TAFA1: variants seen among roughly 807,000 people sequenced by gnomAD.
TAFA1 encodes the protein chemokine-like protein TAFA-1.
A neutral mutation model predicts 18.5 loss-of-function variants in TAFA1; 4 were observed. That is an observed-to-expected ratio of 0.22 (90% CI 0.11 to 0.49). The LOEUF (loss-of-function observed/expected upper bound fraction) is 0.49. Ranked by LOEUF, TAFA1 falls within the 20% of genes least tolerant of loss-of-function variation. TAFA1 has a pLI of 0.98. For synonymous variants in TAFA1, 56 were observed against 55.2 expected, an observed-to-expected ratio of 1.01 and a Z score of -0.06; for missense variants, 147 against 169.0, an observed-to-expected ratio of 0.87 and a Z score of 0.72.
At chr3:68,259,821 C>A (rs2067376504) in intron 2 of TAFA1, among the ~76,000 whole-genome samples, 1 of 152,052 alleles carries the variant, frequency 6.6e-6, no homozygotes, top group Admixed American at 6.6e-5. Flanking sequence ...TGCTTATCAG[C>A]TTAAGGAGAT....
At chr3:68,070,193 T>C (rs2064735666) in intron 2 of TAFA1, among the ~76,000 whole-genome samples, 1 of 152,236 alleles carries the variant, frequency 6.6e-6, no homozygotes, top group South Asian at 2.1e-4. Flanking sequence ...TGCCTGAACA[T>C]CCAGGCATTT....
At chr3:68,326,274 T>G (rs911767508) in intron 2 of TAFA1, among the ~76,000 whole-genome samples, 1 of 152,238 alleles carries the variant, frequency 6.6e-6, no homozygotes, top group Non-Finnish European at 1.5e-5. Flanking sequence ...ATGTTCCTTG[T>G]GTCACATATT....
chr3:68,381,430 G>T (rs920290014), intron 2 of TAFA1, among the ~76,000 whole-genome samples: 36 of 151,772 alleles, frequency 2.4e-4, no homozygotes, highest in Non-Finnish European at 5.2e-4. Flanking sequence ...TTTCTTTGTA[G>T]CCTCTTTTAT....
chr3:68,092,447 G>T (rs1473128243), intron 2 of TAFA1, among the ~76,000 whole-genome samples: 1 of 152,184 alleles, frequency 6.6e-6, no homozygotes, highest in African/African-American at 2.4e-5. Context: ...ATTCTTACAT[G>T]CTTTGGGTGA....
At chr3:68,287,589 A>T (rs779590074) in intron 2 of TAFA1, among the ~76,000 whole-genome samples, 2 of 152,082 alleles carry the variant, frequency 1.3e-5, no homozygotes, top group African/African-American at 4.8e-5. Context: ...CACACTCTTC[A>T]GTCCTACTGA....
intron 4 of TAFA1, among the ~76,000 whole-genome samples, chr3:68,539,703 G>GGT (rs2073341232): frequency 1.3e-4 from 7 of 54,632 alleles, no homozygotes; most frequent in African/African-American, 3.5e-4. Flanking sequence ...TGGGTGGGTG[G>GGT]GTGTGTGCAT....
chr3:68,262,266 T>C (rs2067441310), intron 2 of TAFA1, among the ~76,000 whole-genome samples: 1 of 143,444 alleles, frequency 7.0e-6, no homozygotes. Context: ...GTTTAGGATT[T>C]TTTTTTTTTA....
At chr3:68,452,918 C>A (rs1243641547) in intron 3 of TAFA1, among the ~76,000 whole-genome samples, 1 of 152,108 alleles carries the variant, frequency 6.6e-6, no homozygotes, top group Non-Finnish European at 1.5e-5. Flanking sequence ...TTCTGAATAT[C>A]CCTGAAGAGG....
chr3:68,384,268 G>C (rs1575822022), intron 2 of TAFA1, among the ~76,000 whole-genome samples: 1 of 151,924 alleles, frequency 6.6e-6, no homozygotes, highest in East Asian at 1.9e-4. Flanking sequence ...TTGTGGTGTT[G>C]GGTTGTTAAC....
chr3:68,419,292 C>G (rs906162866), intron 3 of TAFA1, among the ~76,000 whole-genome samples: 1 of 152,116 alleles, frequency 6.6e-6, no homozygotes, highest in Non-Finnish European at 1.5e-5. Context: ...TGTGGGGCAC[C>G]ATGGAAGCTG....
intron 2 of TAFA1, among the ~76,000 whole-genome samples, chr3:68,265,866 G>A (rs540168107): frequency 1.3e-5 from 2 of 152,136 alleles, no homozygotes; most frequent in Admixed American, 6.5e-5. Context: ...TTTCTCTGGG[G>A]CACTGCACAG....
At chr3:68,461,055 G>C (rs377375022) in intron 3 of TAFA1, among the ~76,000 whole-genome samples, 5 of 152,162 alleles carry the variant, frequency 3.3e-5, no homozygotes, top group African/African-American at 9.6e-5. Flanking sequence ...GCTGAGGTGG[G>C]TGGATCCCCT....
At chr3:68,087,170 A>G (rs1226940717) in intron 2 of TAFA1, among the ~76,000 whole-genome samples, 2 of 152,224 alleles carry the variant, frequency 1.3e-5, no homozygotes, top group East Asian at 3.8e-4. Flanking sequence ...AATCTAATTT[A>G]TAAAATCTAT....
chr3:68,514,730 A>C (rs1225894980), intron 3 of TAFA1, among the ~76,000 whole-genome samples: 6 of 151,046 alleles, frequency 4.0e-5, no homozygotes, highest in African/African-American at 7.3e-5. Flanking sequence ...AAAAAAAAAA[A>C]CGTTTTTTCC....
chr3:68,219,884 A>G (rs2066708702), intron 2 of TAFA1, among the ~76,000 whole-genome samples: 1 of 152,184 alleles, frequency 6.6e-6, no homozygotes, highest in Non-Finnish European at 1.5e-5. Context: ...TTGTCTCAGC[A>G]CTGGTTATAT....
intron 3 of TAFA1, among the ~76,000 whole-genome samples, chr3:68,422,069 T>C (rs528180704): frequency 2.0e-4 from 30 of 152,256 alleles, no homozygotes; most frequent in African/African-American, 7.2e-4. Flanking sequence ...TATTAATATA[T>C]GTCCTTCCAG....
chr3:68,180,012 TTTATTA>T (rs35696872), intron 2 of TAFA1, among the ~76,000 whole-genome samples: 12 of 140,318 alleles, frequency 8.6e-5, no homozygotes, highest in East Asian at 6.2e-4. Context: ...AACACATAAT[TTTATTA>T]TTATTATTAT....
chr3:68,529,477 T>C (rs561622599), intron 3 of TAFA1, among the ~76,000 whole-genome samples: 46 of 146,780 alleles, frequency 3.1e-4, no homozygotes, highest in African/African-American at 1.1e-3. Flanking sequence ...GAACACAAGC[T>C]GCTTGCTTTC....
chr3:68,078,979 C>T, intron 2 of TAFA1, among the ~76,000 whole-genome samples: 1 of 152,196 alleles, frequency 6.6e-6, no homozygotes, highest in Non-Finnish European at 1.5e-5. Flanking sequence ...ATTGTTGCCA[C>T]AATTTCAGAG....
Sources: gnomAD v4.1 joint callset for allele counts (sites outside exome capture counted in the v4.1 genomes callset) on GRCh38, gnomAD v4.1.1 for gene constraint, MANE v1.5 for transcripts, NCBI Gene and HGNC (gene_info 2026-07-23, HGNC 2026-07-21) for gene names.